TDP1: variants seen among roughly 807,000 people sequenced by gnomAD.
TDP1 encodes the protein tyr-DNA phosphodiesterase 1.
A neutral mutation model predicts 81.5 loss-of-function variants in TDP1; 64 were observed. The ratio of observed to expected loss-of-function variants is 0.79; its 90% CI spans 0.64 to 0.97. TDP1 has a LOEUF of 0.97. Ranked by LOEUF, TDP1 falls within the 50% of genes least tolerant of loss-of-function variation. The probability of loss-of-function intolerance (pLI) is 0.00; values close to 1 mark genes in which losing one functional copy is unlikely to be tolerated. For missense variants in TDP1, 723 were observed against 743.8 expected (o/e 0.97, Z 0.33); for synonymous variants, 256 against 264.3 (o/e 0.97, Z 0.30).
chr14:89,956,780 C>T lies in TDP1; in HGVS notation c.-28C>T, dbSNP rs1006059194. ...AGCGTGATGGTGGATGCCTGTAATC[C>T]TAGCTCCTCGGGAGGCTAAGGTAGG... On this transcript the variant is annotated 5_prime_UTR_variant, in exon 2 of 17. Transcript: ENST00000335725. The T allele has an allele frequency of 1.3e-5, 2 of 152,254 alleles. No homozygotes were observed. The highest frequency in any genetic ancestry group is 4.8e-5 in the African/African-American group (2 of 41,458). The allele number at this position is 152,254 out of a possible 1,614,324, so 9.4% of individuals were successfully genotyped here. A position where few individuals can be genotyped will look rare whatever the true frequency, so the allele number is the denominator to read the frequency against.
intron 7 of TDP1, among the ~76,000 whole-genome samples, chr14:89,976,527 CTTTTTTTTTTTTTTTT>C (rs35744477): frequency 6.8e-5 from 6 of 88,762 alleles, no homozygotes; most frequent in Admixed American, 2.7e-4. Flanking sequence ...CAACAGAGCT[CTTTTTTTTTTTTTTTT>C]TTTTTTTTTT....
At position 90,043,422 on chromosome 14, in the gene TDP1, G is replaced by T; in HGVS notation, c.*279G>T. 1 of 525,106 alleles carries T rather than the reference G, an allele frequency of 1.9e-6. No homozygotes were observed. 32.5% of individuals were successfully genotyped at this position (525,106 alleles called of 1,614,324 possible). On this transcript the variant is annotated 3_prime_UTR_variant, in exon 17 of 17. Transcript: ENST00000335725. Reference sequence around the variant, plus strand: ...CGTACTGCTTGAGTATCCCCTGTCTGAAATGCTTGGGACCAGAAGTGTTTC... The same window carrying T: ...CGTACTGCTTGAGTATCCCCTGTCTTAAATGCTTGGGACCAGAAGTGTTTC...
chr14:89,971,262 T>C lies in TDP1; in HGVS notation c.747T>C (p.Ser249=). ...AGGCCAAGCCTTACGAGAACATCTC[T>C]CTCTGCCAGGTAAGCCACTTACTGC... is the stretch of plus-strand genomic sequence containing the variant. ...HAQAKPYENI[S]LCQAKLDIAF... Residue 249 remains serine (S), a synonymous_variant, in exon 6 of 17, where the codon TCT becomes TCC. Transcript: ENST00000335725. 1 of 1,613,624 alleles carries C rather than the reference T, an allele frequency of 6.2e-7. No individual in the cohort carries two copies. The highest frequency in any genetic ancestry group is 1.7e-5 in the Admixed American group (1 of 60,020).
intron 15 of TDP1, among the ~76,000 whole-genome samples, chr14:90,026,728 C>A (rs370790679): frequency 1.8e-4 from 27 of 149,266 alleles, no homozygotes; most frequent in East Asian, 4.0e-4. Flanking sequence ...TCTGTCCTTG[C>A]GATAGTTTGC....
At chr14:89,993,750 A>G (rs1371698674) in intron 14 of TDP1, among the ~76,000 whole-genome samples, 1 of 152,208 alleles carries the variant, frequency 6.6e-6, no homozygotes, top group Non-Finnish European at 1.5e-5. Flanking sequence ...ATACCTCAAT[A>G]GGGGTTATGC....
At chr14:89,978,603 A>G (rs1894620145) in intron 7 of TDP1, among the ~76,000 whole-genome samples, 1 of 152,164 alleles carries the variant, frequency 6.6e-6, no homozygotes, top group Non-Finnish European at 1.5e-5. Flanking sequence ...TAACACTACC[A>G]TTTTGTCTAT....
At chr14:90,014,979 C>A (rs1473343691) in intron 14 of TDP1, among the ~76,000 whole-genome samples, 4 of 152,174 alleles carry the variant, frequency 2.6e-5, no homozygotes, top group Non-Finnish European at 4.4e-5. Context: ...CAGTGGTAAA[C>A]CTCCAGTGAA....
At chr14:89,977,656 G>A (rs1894509994) in intron 7 of TDP1, among the ~76,000 whole-genome samples, 1 of 152,232 alleles carries the variant, frequency 6.6e-6, no homozygotes, top group South Asian at 2.1e-4. Context: ...AGCTCAAGAG[G>A]ATATAGAGTT....
chr14:90,019,057 A>C (rs908827730), intron 14 of TDP1: 1 of 984,588 alleles, frequency 1.0e-6, no homozygotes, highest in African/African-American at 1.7e-5. Flanking sequence ...CTAAGGAAAG[A>C]TAATTATTTT....
At chr14:89,956,935 G>T (rs750819851) in intron 2 of TDP1, 135 bp downstream of exon 2, 1 of 152,218 alleles carries the variant, frequency 6.6e-6, no homozygotes, top group Non-Finnish European at 1.5e-5. Context: ...CCTTCTTAAA[G>T]CCCTCAGTGG....
Position 89,971,284 on chromosome 14 carries a change from C to A in TDP1, c.756+13C>A. ...CTCTCTCTGCCAGGTAAGCCACTTA[C>A]TGCCGTTGGAGAGCACGCGTAGTCT... is the stretch of plus-strand genomic sequence containing the variant. On this transcript the variant is annotated intron_variant, in intron 6 of 16. Coordinates refer to ENST00000335725, the MANE Select transcript of TDP1 (RefSeq NM_018319.4). 1 of 1,606,652 alleles carries A rather than the reference C, an allele frequency of 6.2e-7. No homozygotes were observed. Among genetic ancestry groups the A allele is most frequent in the South Asian group, 1.1e-5 (1 of 90,972 alleles).
intron 7 of TDP1, 135 bp from the exon 8 acceptor site, chr14:89,980,405 G>T: frequency 7.1e-7 from 1 of 1,411,062 alleles, no homozygotes; most frequent in Non-Finnish European, 9.6e-7. Context: ...TAGAAGGGAA[G>T]ATTATAAATG....
Position 90,043,752 on chromosome 14 carries a change from T to C in TDP1, c.*609T>C, listed in dbSNP as rs1459380515. Reference sequence around the variant, plus strand: ...GATTTTCAGATTAGGGATGCTCAAATCTATATAGATATAAAATTATCCTCA... The same window carrying C: ...GATTTTCAGATTAGGGATGCTCAAACCTATATAGATATAAAATTATCCTCA... On this transcript the variant is annotated 3_prime_UTR_variant, in exon 17 of 17. Transcript: ENST00000335725. The C allele has an allele frequency of 6.4e-6, 1 of 156,782 alleles. No individual in the cohort carries two copies. Among genetic ancestry groups the C allele is most frequent in the Admixed American group, 6.2e-5 (1 of 16,058 alleles). 9.7% of individuals were successfully genotyped at this position (156,782 alleles called of 1,614,324 possible).
chr14:90,011,111 A>C (rs1884648315), intron 14 of TDP1, among the ~76,000 whole-genome samples: 1 of 151,430 alleles, frequency 6.6e-6, no homozygotes, highest in Admixed American at 6.6e-5. Flanking sequence ...CTGCACACAC[A>C]CTCCTGCCTG....
At chr14:90,041,898 G>A (rs1349203529) in intron 16 of TDP1, among the ~76,000 whole-genome samples, 1 of 152,198 alleles carries the variant, frequency 6.6e-6, no homozygotes, top group Non-Finnish European at 1.5e-5. Context: ...CATTTATTGA[G>A]CACCTACAAC....
At chr14:90,036,003 C>T (rs572978524) in intron 16 of TDP1, among the ~76,000 whole-genome samples, 144 of 152,272 alleles carry the variant, frequency 9.5e-4, no homozygotes, top group Admixed American at 1.5e-3. Flanking sequence ...TAGAAGTTTA[C>T]AGCTAGGTAT....
chr14:90,040,586 C>T (rs1888263923), intron 16 of TDP1, among the ~76,000 whole-genome samples: 1 of 152,192 alleles, frequency 6.6e-6, no homozygotes, highest in Non-Finnish European at 1.5e-5. Flanking sequence ...TGGCTTATTC[C>T]CCTCTGTCCA....
chr14:90,040,015 AAAGAGGCAG>A (rs540892878), intron 16 of TDP1, among the ~76,000 whole-genome samples: 126 of 152,286 alleles, frequency 8.3e-4, no homozygotes, highest in Admixed American at 1.8e-3. Flanking sequence ...TTCTAGAGTT[AAAGAGGCAG>A]AAGAGGCACA....
At chr14:89,980,734 A>G (rs1403919705) in intron 8 of TDP1, 102 bp downstream of exon 8, 7 of 966,622 alleles carry the variant, frequency 7.2e-6, no homozygotes, top group South Asian at 1.4e-5. Context: ...TTTAAGTTGT[A>G]AAAATAACAC....
Sources: gnomAD v4.1 joint callset for allele counts (sites outside exome capture counted in the v4.1 genomes callset) on GRCh38, gnomAD v4.1.1 for gene constraint, MANE v1.5 for transcripts, NCBI Gene and HGNC (gene_info 2026-07-23, HGNC 2026-07-21) for gene names.